PABPC1L: variants seen among roughly 807,000 people sequenced by gnomAD.
PABPC1L encodes poly(A) binding protein cytoplasmic 1 like.
In PABPC1L, 31 loss-of-function variants were observed where a neutral mutation model predicts 66.6. The observed-to-expected ratio is 0.47, with a 90% confidence interval of 0.35 to 0.63. PABPC1L has a LOEUF of 0.63. Among genes scored for constraint, PABPC1L ranks in the 20% least tolerant of loss-of-function variants. The probability of loss-of-function intolerance (pLI) is 0.00; values close to 1 mark genes in which losing one functional copy is unlikely to be tolerated. For missense variants in PABPC1L, 722 were observed against 848.8 expected (o/e 0.85, Z 1.86); for synonymous variants, 348 against 335.1 (o/e 1.04, Z -0.42).
intron 5 of PABPC1L, among the ~76,000 whole-genome samples, chr20:44,920,957 C>T (rs1277491004): frequency 2.0e-5 from 3 of 149,120 alleles, no homozygotes; most frequent in African/African-American, 7.4e-5. Flanking sequence ...GGATTACAGG[C>T]ACCTGCCACC....
At chr20:44,936,563 C>A in intron 11 of PABPC1L, 74 bp from the exon 12 acceptor site, 1 of 1,274,162 alleles carries the variant, frequency 7.8e-7, no homozygotes, top group South Asian at 1.5e-5. Context: ...GCCTTCTGCT[C>A]ACTTGCCAGG....
chr20:44,922,200 G>A (rs1224448707), intron 6 of PABPC1L, among the ~76,000 whole-genome samples: 1 of 152,188 alleles, frequency 6.6e-6, no homozygotes, highest in African/African-American at 2.4e-5. Flanking sequence ...GTGGATCAGT[G>A]CAATTTAAAA....
intron 12 of PABPC1L, 78 bp downstream of exon 12, chr20:44,936,808 C>CTGG (rs1341345622): frequency 7.1e-7 from 1 of 1,410,600 alleles, no homozygotes; most frequent in Non-Finnish European, 9.8e-7. Flanking sequence ...AACACCTCAC[C>CTGG]TGGTGGTCCA....
intron 7 of PABPC1L, among the ~76,000 whole-genome samples, chr20:44,925,210 CAAAA>C (rs34623911): frequency 2.6e-5 from 2 of 75,484 alleles, no homozygotes; most frequent in Non-Finnish European, 5.3e-5. Context: ...GACTCTGTCT[CAAAA>C]AAAAAAAAAA....
intron 3 of PABPC1L, among the ~76,000 whole-genome samples, chr20:44,917,249 C>T (rs1314124732): frequency 6.6e-6 from 1 of 152,058 alleles, no homozygotes; most frequent in Non-Finnish European, 1.5e-5. Context: ...GTGGCATGAA[C>T]ACAGCTCACT....
At chr20:44,931,106 T>TTCCTTCCTTCCG (rs2066855720) in intron 8 of PABPC1L, among the ~76,000 whole-genome samples, 1 of 118,988 alleles carries the variant, frequency 8.4e-6, no homozygotes, top group Non-Finnish European at 1.7e-5. Context: ...CCTTCCTTCC[T>TTCCTTCCTTCCG]TCGTGGGGTC....
rs1008801603 is a variant in PABPC1L, at chr20:44,935,302, C to A, written c.1460-89C>A. ...CATTCTTGTCAACGCTTGTTATTTT[C>A]TGTTTTGGTGTTGTTTTGTTTTGTT... On this transcript the variant is annotated intron_variant, in intron 10 of 14. Transcript: ENST00000217073. 8 of 909,422 alleles carry A rather than the reference C, an allele frequency of 8.8e-6. No individual in the cohort carries two copies. In the African/African-American group the frequency reaches 1.2e-4, roughly 13 times the overall value. The allele number at this position is 909,422 out of a possible 1,614,324, so 56.3% of individuals were successfully genotyped here.
chr20:44,937,814 C>G, intron 12 of PABPC1L: 1 of 488,904 alleles, frequency 2.0e-6, no homozygotes, highest in Non-Finnish European at 3.6e-6. Context: ...ATCCTTTCCG[C>G]CCCCACTTAA....
chr20:44,920,277 C>G (rs990715530), intron 5 of PABPC1L, among the ~76,000 whole-genome samples: 1 of 152,042 alleles, frequency 6.6e-6, no homozygotes. Context: ...ACTTTCAGTG[C>G]CCTAAACATC....
At chr20:44,934,370 A>G (rs769158599) in intron 10 of PABPC1L, among the ~76,000 whole-genome samples, 3 of 152,206 alleles carry the variant, frequency 2.0e-5, no homozygotes, top group Non-Finnish European at 2.9e-5. Context: ...CAGTGTACAG[A>G]TCAATGGCAT....
chr20:44,910,410 G>A lies in PABPC1L; in HGVS notation c.193+74G>A, dbSNP rs182158374. 17 of 1,404,260 alleles carry A rather than the reference G, an allele frequency of 1.2e-5. No homozygotes were observed. In the African/African-American group the frequency reaches 1.9e-4, roughly 16 times the overall value. The allele number at this position is 1,404,260 out of a possible 1,614,324, so 87.0% of individuals were successfully genotyped here. Reference sequence around the variant, plus strand: ...GCGGACAGACAGAAGCCGGAACTGGGCCGCTTGCGCTTTCATCTTACACTT... The same window carrying A: ...GCGGACAGACAGAAGCCGGAACTGGACCGCTTGCGCTTTCATCTTACACTT... On this transcript the variant is annotated intron_variant, in intron 1 of 14. Transcript: ENST00000217073.
At chr20:44,935,787 T>C (rs919485831) in intron 11 of PABPC1L, among the ~76,000 whole-genome samples, 17 of 152,314 alleles carry the variant, frequency 1.1e-4, no homozygotes, top group Middle Eastern at 3.4e-3. Context: ...ATGCTGATTA[T>C]TGAAGGGATG....
chr20:44,937,798 G>A (rs979034511), intron 12 of PABPC1L: 1 of 446,212 alleles, frequency 2.2e-6, no homozygotes, highest in Non-Finnish European at 4.0e-6. Context: ...CTTTCTTCAT[G>A]GGACGATCCT....
Position 44,919,282 on chromosome 20 carries a change from G to A in PABPC1L, c.738+5G>A. 2.5e-6 allele frequency: 4 copies of A among 1,614,092 alleles called. No individual in the cohort carries two copies. Among genetic ancestry groups the A allele is most frequent in the Non-Finnish European group, 3.4e-6 (4 of 1,179,960 alleles). Reference sequence around the variant, plus strand: ...AAGCATGAGGAAGCCCAGAAGGTAGGAGCCTCCCCATGGCTCTGTTCTGCA... The same window carrying A: ...AAGCATGAGGAAGCCCAGAAGGTAGAAGCCTCCCCATGGCTCTGTTCTGCA... On this transcript the variant is annotated splice_donor_5th_base_variant and intron_variant, in intron 5 of 14. Transcript: ENST00000217073.
At chr20:44,921,798 TG>T in intron 6 of PABPC1L, 67 bp downstream of exon 6, 1 of 1,593,888 alleles carries the variant, frequency 6.3e-7, no homozygotes, top group Non-Finnish European at 8.5e-7. Context: ...GGGCCCTGAG[TG>T]GTGACTGTTT....
intron 1 of PABPC1L, among the ~76,000 whole-genome samples, chr20:44,910,981 G>GT (rs2066700340): frequency 6.6e-6 from 1 of 152,200 alleles, no homozygotes; most frequent in African/African-American, 2.4e-5. Context: ...GAGAGGATGA[G>GT]TGAGCTTGGG....
intron 7 of PABPC1L, among the ~76,000 whole-genome samples, chr20:44,924,951 C>T (rs2066799057): frequency 6.9e-6 from 1 of 144,886 alleles, no homozygotes; most frequent in Non-Finnish European, 1.5e-5. Context: ...ATATGGCTCA[C>T]GCCTGTAATC....
chr20:44,939,100 A>G (rs1255068117), intron 14 of PABPC1L, 26 bp from the exon 15 acceptor site: 1 of 717,684 alleles, frequency 1.4e-6, no homozygotes, highest in Admixed American at 2.0e-5. Flanking sequence ...CTTTAAAAAC[A>G]CTTATTTTTA....
At chr20:44,911,844 C>T (rs1264197096) in intron 1 of PABPC1L, among the ~76,000 whole-genome samples, 1 of 152,190 alleles carries the variant, frequency 6.6e-6, no homozygotes, top group African/African-American at 2.4e-5. Flanking sequence ...GGTGGAGAAT[C>T]CGGGCTTCCT....
Sources: gnomAD v4.1 joint callset for allele counts (sites outside exome capture counted in the v4.1 genomes callset) on GRCh38, gnomAD v4.1.1 for gene constraint, MANE v1.5 for transcripts, NCBI Gene and HGNC (gene_info 2026-07-23, HGNC 2026-07-21) for gene names.